Variants in FKBP10 observed in about 807,000 individuals in gnomAD.
The protein encoded by FKBP10 is FKBP prolyl isomerase 10, also known as peptidyl-prolyl cis-trans isomerase FKBP10.
In FKBP10, 34 loss-of-function variants were observed where a neutral mutation model predicts 53.7. The ratio of observed to expected loss-of-function variants is 0.63; its 90% CI spans 0.48 to 0.84. FKBP10 has a LOEUF of 0.84. FKBP10 is among the 40% of genes least tolerant of loss of function. The pLI is 0.00. For missense variants in FKBP10, 748 were observed against 797.8 expected (o/e 0.94, Z 0.75); for synonymous variants, 324 against 335.7 (o/e 0.97, Z 0.38).
intron 9 of FKBP10, 51 bp from the exon 10 acceptor site, chr17:41,822,172 C>T: frequency 6.4e-7 from 1 of 1,574,088 alleles, no homozygotes; most frequent in Non-Finnish European, 8.7e-7. Flanking sequence ...CCCTGCCCCT[C>T]CCAAGGCCAT....
At chr17:41,814,996 C>T (rs1555615918) in intron 1 of FKBP10, among the ~76,000 whole-genome samples, 1 of 152,206 alleles carries the variant, frequency 6.6e-6, no homozygotes, top group African/African-American at 2.4e-5. Flanking sequence ...ACTGCAACCT[C>T]CGCCTCTGCC....
rs556983443 is a variant in FKBP10 at position 41,817,947 on chromosome 17, A to C, written c.392-142A>C. On this transcript the variant is annotated intron_variant, in intron 2 of 9. Transcript: ENST00000321562. Reference sequence around the variant, plus strand: ...TCTGGCCCCCTATCTCTTAAAAAAAAAAAACAAAAATAGTGGCATCTCTGT... The same window carrying C: ...TCTGGCCCCCTATCTCTTAAAAAAACAAAACAAAAATAGTGGCATCTCTGT... 185 of 919,490 alleles carry C rather than the reference A, an allele frequency of 2.0e-4. 1 individual carries two copies. Among genetic ancestry groups the C allele is most frequent in the Middle Eastern group, 6.3e-4 (2 of 3,170 alleles). 57.0% of individuals were successfully genotyped at this position (919,490 alleles called of 1,614,324 possible).
rs1040723649 is a variant in FKBP10, at chr17:41,819,848, C to A, written c.1063+173C>A. 2.0e-6 allele frequency: 3 copies of A among 1,538,446 alleles called. No individual in the cohort carries two copies. In the African/African-American group the frequency reaches 4.1e-5, roughly 21 times the overall value. The stretch of plus-strand genomic sequence containing the variant: ...CTGATTCCTGCCACACAGACTCCAT[C>A]GGTTTCCTCCAGGGCAGCGCCCCAC... On this transcript the variant is annotated intron_variant, in intron 6 of 9. Transcript: ENST00000321562.
rs782378295 is a variant in FKBP10 at position 41,819,860 on chromosome 17, G to T, written c.1063+185G>T. On this transcript the variant is annotated intron_variant, in intron 6 of 9. Transcript: ENST00000321562. The stretch of plus-strand genomic sequence containing the variant: ...ACACAGACTCCATCGGTTTCCTCCA[G>T]GGCAGCGCCCCACTTCGCCCCTTCC... 8 of 1,541,808 alleles carry T rather than the reference G, an allele frequency of 5.2e-6. No homozygotes were observed. The African/African-American group carries it at 9.6e-5, about 19-fold the overall frequency.
At position 41,818,264 on chromosome 17, in the gene FKBP10, C is replaced by G. The variant is rs782684364; in HGVS notation, c.567C>G (p.Thr189=). The G allele has an allele frequency of 2.1e-5, 34 of 1,613,630 alleles. No individual in the cohort carries two copies. Among genetic ancestry groups the G allele is most frequent in the Non-Finnish European group, 2.6e-5 (31 of 1,180,042 alleles). ...YHYNGTLLDG[T]SFDTSYSKGG... ...ACAATGGCACCCTGCTGGACGGCAC[C>G]TCCTTCGACACCAGGTGAGGGGCTG... The change falls in exon 3 of 10, where the codon ACC becomes ACG. Residue 189 remains threonine (T), a synonymous_variant. Coordinates refer to ENST00000321562, the MANE Select transcript of FKBP10 (RefSeq NM_021939.4).
rs926082454 is a variant in FKBP10, at chr17:41,822,599, A to G, written c.*191A>G. On this transcript the variant is annotated 3_prime_UTR_variant, in exon 10 of 10. Coordinates refer to ENST00000321562, the MANE Select transcript of FKBP10 (RefSeq NM_021939.4). ...ATGAAAATCCACAGCACAGACCTCTACCGTGTTTCTCTTCCATCCCTAAAC... is the reference window on the plus strand; with the variant it reads ...ATGAAAATCCACAGCACAGACCTCTGCCGTGTTTCTCTTCCATCCCTAAAC... 1.5e-6 allele frequency: 1 copy of G among 662,044 alleles called. No individual in the cohort carries two copies. The highest frequency in any genetic ancestry group is 2.6e-6 in the Non-Finnish European group (1 of 383,388). The allele number at this position is 662,044 out of a possible 1,614,324, so 41.0% of individuals were successfully genotyped here. A position where few individuals can be genotyped will look rare whatever the true frequency, so the allele number is the denominator to read the frequency against.
chr17:41,817,156 G>T lies in FKBP10; in HGVS notation c.344G>T (p.Arg115Leu). 1.9e-6 allele frequency: 3 copies of T among 1,614,026 alleles called. No homozygotes were observed. Among genetic ancestry groups the T allele is most frequent in the Non-Finnish European group, 2.5e-6 (3 of 1,180,042 alleles). ...GLMGMCVNER[R>L]RLIVPPHLGY... ...ATGGGCATGTGTGTCAACGAGCGGC[G>T]ACGCCTCATTGTGCCTCCCCACCTG... The change falls in exon 2 of 10, where the codon CGA (arginine) becomes CTA (leucine). Residue 115 changes from arginine to leucine, a missense_variant. Arg to Leu is a moderately radical substitution (Grantham distance 102). Transcript: ENST00000321562.
In FKBP10 at chr17:41,820,472, G is replaced by T. The variant is rs199627092; in HGVS notation, c.1256+11G>T. 52 of 1,613,366 alleles carry T rather than the reference G, an allele frequency of 3.2e-5. No individual in the cohort carries two copies. Among genetic ancestry groups the T allele is most frequent in the Middle Eastern group, 3.4e-4 (2 of 5,828 alleles). ...CCAGCTGTTCACCTCGTGGGTCCGGGGGGGGGCCGGGACTGGGCAGGTGGG... is the reference window on the plus strand; with the variant it reads ...CCAGCTGTTCACCTCGTGGGTCCGGTGGGGGGCCGGGACTGGGCAGGTGGG... On this transcript the variant is annotated intron_variant, in intron 7 of 9. Coordinates refer to ENST00000321562, the MANE Select transcript of FKBP10 (RefSeq NM_021939.4).
rs781985978 is a variant in FKBP10 at position 41,813,055 on chromosome 17, C to G, written c.21C>G (p.Pro7=). The G allele has an allele frequency of 2.4e-5, 39 of 1,610,180 alleles. No homozygotes were observed. Among genetic ancestry groups the G allele is most frequent in the Non-Finnish European group, 3.2e-5 (38 of 1,179,692 alleles). MFPAGP[P]SHSLLRLPLL... ...GCACCATGTTCCCCGCGGGCCCCCC[C>G]AGCCACAGCCTCCTCCGGCTCCCCC... Residue 7 remains proline, a synonymous_variant, in exon 1 of 10, where the codon CCC becomes CCG. Transcript: ENST00000321562.
At chr17:41,819,950 C>A in intron 6 of FKBP10, 1 of 1,532,336 alleles carries the variant, frequency 6.5e-7, no homozygotes, top group Middle Eastern at 1.7e-4. Context: ...AACCAGCATA[C>A]CCCCAGGACC....
At chr17:41,821,846 T>C (rs782455799) in intron 9 of FKBP10, 29 bp downstream of exon 9, 2 of 1,613,700 alleles carry the variant, frequency 1.2e-6, no homozygotes, top group South Asian at 2.2e-5. Context: ...CTAATAGCCA[T>C]GCCCACGCAA....
rs913585936 is a variant in FKBP10 at position 41,822,643 on chromosome 17, G to C, written c.*235G>C. The C allele has an allele frequency of 1.7e-6, 1 of 591,028 alleles. No individual in the cohort carries two copies. Among genetic ancestry groups the C allele is most frequent in the African/African-American group, 1.9e-5 (1 of 53,810 alleles). The allele number at this position is 591,028 out of a possible 1,614,324, so 36.6% of individuals were successfully genotyped here. A position where few individuals can be genotyped will look rare whatever the true frequency, so the allele number is the denominator to read the frequency against. ...CCTAAACCACTTCCTTAAAATGTTT[G>C]GATTTGCAAAGCCAATTTGGGGCCT... On this transcript the variant is annotated 3_prime_UTR_variant, in exon 10 of 10. Coordinates refer to ENST00000321562, the MANE Select transcript of FKBP10 (RefSeq NM_021939.4).
rs370277647 is a variant in FKBP10, at chr17:41,820,307, G to A, written c.1102G>A (p.Val368Ile). 3.7e-5 allele frequency: 59 copies of A among 1,614,022 alleles called. 1 individual carries two copies. The highest frequency in any genetic ancestry group is 3.4e-4 in the South Asian group (31 of 91,086). ...IPGSAVLIFN[V>I]HVIDFHNPAD... ...TGGCTCTGCCGTGCTAATCTTCAACGTCCATGTCATTGACTTCCACAACCC... is the reference window on the plus strand; with the variant it reads ...TGGCTCTGCCGTGCTAATCTTCAACATCCATGTCATTGACTTCCACAACCC... Residue 368 changes from valine (V) to isoleucine (I), a missense_variant, in exon 7 of 10, where the codon GTC (valine) becomes ATC (isoleucine). Transcript: ENST00000321562.
At position 41,819,607 on chromosome 17, in the gene FKBP10, G is replaced by A. The variant is rs781830313; in HGVS notation, c.995G>A (p.Gly332Asp). The A allele has an allele frequency of 6.2e-7, 1 of 1,613,846 alleles. No homozygotes were observed. The highest frequency in any genetic ancestry group is 8.5e-7 in the Non-Finnish European group (1 of 1,179,940). Reference sequence around the variant, plus strand: ...CCCGGGATGGACCAGGGGCTGCAGGGTGCCTGCATGGGGGAACGCCGGAGA... The same window carrying A: ...CCCGGGATGGACCAGGGGCTGCAGGATGCCTGCATGGGGGAACGCCGGAGA... ...IIPGMDQGLQGACMGERRRIT... is the reference protein window; with the variant it reads ...IIPGMDQGLQDACMGERRRIT... The change falls in exon 6 of 10, where the codon GGT becomes GAT. Residue 332 changes from glycine (G) to aspartate (D), a missense_variant. Gly to Asp is a moderately conservative substitution (Grantham distance 94). Coordinates refer to ENST00000321562, the MANE Select transcript of FKBP10 (RefSeq NM_021939.4).
chr17:41,822,816 CTA>C lies in FKBP10; in HGVS notation c.*410_*411del, dbSNP rs2047908940. The C allele has an allele frequency of 9.2e-6, 3 of 324,914 alleles. No homozygotes were observed. Among genetic ancestry groups the C allele is most frequent in the Admixed American group, 8.7e-5 (2 of 22,926 alleles). 20.1% of individuals were successfully genotyped at this position (324,914 alleles called of 1,614,324 possible). ...ATCCCCACTCCCAGCCCCTTTTCCTCTATGTGACAGCTCCCTAGGACCCCTCT... is the reference window on the plus strand; with the variant it reads ...ATCCCCACTCCCAGCCCCTTTTCCTCTGTGACAGCTCCCTAGGACCCCTCT... On this transcript the variant is annotated 3_prime_UTR_variant, in exon 10 of 10. Coordinates refer to ENST00000321562, the MANE Select transcript of FKBP10 (RefSeq NM_021939.4).
Position 41,820,478 on chromosome 17 carries a change from G to C in FKBP10, c.1256+17G>C. On this transcript the variant is annotated intron_variant, in intron 7 of 9. Transcript: ENST00000321562. Reference sequence around the variant, plus strand: ...GTTCACCTCGTGGGTCCGGGGGGGGGCCGGGACTGGGCAGGTGGGTGGGCA... The same window carrying C: ...GTTCACCTCGTGGGTCCGGGGGGGGCCCGGGACTGGGCAGGTGGGTGGGCA... The C allele has an allele frequency of 6.2e-7, 1 of 1,611,726 alleles. No homozygotes were observed. Among genetic ancestry groups the C allele is most frequent in the Non-Finnish European group, 8.5e-7 (1 of 1,178,976 alleles).
At position 41,813,111 on chromosome 17, in the gene FKBP10, C is replaced by T. The variant is rs782067841; in HGVS notation, c.77C>T (p.Ala26Val). The change falls in exon 1 of 10, where the codon GCC (alanine) becomes GTC (valine). Residue 26 changes from alanine (A) to valine (V), a missense_variant. Coordinates refer to ENST00000321562, the MANE Select transcript of FKBP10 (RefSeq NM_021939.4). ...LLQLLLLVVQ[A>V]VGRGLGRASP... ...CAGTTGCTGCTACTGGTGGTGCAGG[C>T]CGTGGGGAGGGGGCTGGGCCGCGCC... is the stretch of plus-strand genomic sequence containing the variant. The T allele has an allele frequency of 6.2e-7, 1 of 1,611,268 alleles. No homozygotes were observed. The highest frequency in any genetic ancestry group is 8.5e-7 in the Non-Finnish European group (1 of 1,179,684).
At position 41,821,687 on chromosome 17, in the gene FKBP10, T is replaced by C. The variant is rs2047893148; in HGVS notation, c.1433T>C (p.Phe478Ser). 1.2e-6 allele frequency: 2 copies of C among 1,613,902 alleles called. No individual in the cohort carries two copies. The highest frequency in any genetic ancestry group is 1.7e-6 in the Non-Finnish European group (2 of 1,179,986). The change falls in exon 9 of 10, where the codon TTT (phenylalanine) becomes TCT (serine). Residue 478 changes from phenylalanine to serine, a missense_variant. Phe to Ser is a radical substitution (Grantham distance 155, BLOSUM62 -2). Transcript: ENST00000321562. ...GTCCCAGGCAGTGCTGTGCTGCTGT[T>C]TGAGGTGGAGCTGGTGTCCCGGGAG... Reference protein sequence around the residue: ...RGVPGSAVLLFEVELVSREDG... With the variant: ...RGVPGSAVLLSEVELVSREDG...
rs140125799 is a variant in FKBP10, at chr17:41,813,271, T to C, written c.237T>C (p.Phe79=). The C allele has an allele frequency of 2.6e-5, 42 of 1,613,630 alleles. No homozygotes were observed. In the African/African-American group the frequency reaches 5.2e-4, roughly 20 times the overall value. Residue 79 remains phenylalanine, a synonymous_variant, in exon 1 of 10, where the codon TTT becomes TTC. Coordinates refer to ENST00000321562, the MANE Select transcript of FKBP10 (RefSeq NM_021939.4). ...YNGTFEDGKK[F]DSSYDRNTLV... Reference sequence around the variant, plus strand: ...GCACTTTTGAAGATGGCAAGAAGTTTGATTCAAGGTAACCCCGGTTGGGCG... The same window carrying C: ...GCACTTTTGAAGATGGCAAGAAGTTCGATTCAAGGTAACCCCGGTTGGGCG...
Sources: gnomAD v4.1 joint callset for allele counts (sites outside exome capture counted in the v4.1 genomes callset) on GRCh38, gnomAD v4.1.1 for gene constraint, MANE v1.5 for transcripts, NCBI Gene and HGNC (gene_info 2026-07-23, HGNC 2026-07-21) for gene names.